The following UXS1 variants were observed in gnomAD, a reference collection of about 807,000 sequenced individuals.
The protein encoded by UXS1 is UDP-glucuronate decarboxylase 1.
Under a neutral mutation model 62.6 loss-of-function variants are expected in UXS1, and 33 were observed. The ratio of observed to expected loss-of-function variants is 0.53; its 90% CI spans 0.40 to 0.70. The LOEUF is 0.70. Among genes scored for constraint, UXS1 ranks in the 30% least tolerant of loss-of-function variants. The probability of loss-of-function intolerance (pLI) is 0.00; values close to 1 mark genes in which losing one functional copy is unlikely to be tolerated. For synonymous variants in UXS1, 213 were observed against 206.8 expected (o/e 1.03, Z -0.26); for missense variants, 434 against 556.3 (o/e 0.78, Z 2.21).
chr2:106,174,795 A>AAAG (rs1683775187), intron 1 of UXS1, among the ~76,000 whole-genome samples: 1 of 150,846 alleles, frequency 6.6e-6, no homozygotes, highest in Non-Finnish European at 1.5e-5. Flanking sequence ...CCACCATCCC[A>AAAG]CAGCGGAAGA....
chr2:106,110,955 C>T (rs1333155483), intron 10 of UXS1, among the ~76,000 whole-genome samples: 1 of 152,176 alleles, frequency 6.6e-6, no homozygotes, highest in Non-Finnish European at 1.5e-5. Flanking sequence ...GGAAGAAAAG[C>T]AAGACGCTGC....
chr2:106,103,700 C>G (rs1229612799), intron 11 of UXS1, among the ~76,000 whole-genome samples: 1 of 152,126 alleles, frequency 6.6e-6, no homozygotes, highest in Non-Finnish European at 1.5e-5. Context: ...GGCTTTTGCC[C>G]CTTGAGGCAA....
chr2:106,108,632 T>C (rs1206077177), intron 10 of UXS1, among the ~76,000 whole-genome samples: 1 of 152,090 alleles, frequency 6.6e-6, no homozygotes, highest in Non-Finnish European at 1.5e-5. Flanking sequence ...AGGAGATTCG[T>C]GCAAGAGTCA....
chr2:106,126,802 G>C (rs906453866), intron 7 of UXS1, among the ~76,000 whole-genome samples: 1 of 152,106 alleles, frequency 6.6e-6, no homozygotes. Context: ...ACATTGATAT[G>C]ATCAGTGACT....
chr2:106,176,340 T>C (rs933561013), intron 1 of UXS1, among the ~76,000 whole-genome samples: 24 of 152,242 alleles, frequency 1.6e-4, no homozygotes, highest in Admixed American at 1.3e-3. Flanking sequence ...ACTGAAATGT[T>C]TGCTTAAAGC....
chr2:106,193,712 G>A (rs911967596), intron 1 of UXS1, among the ~76,000 whole-genome samples: 6 of 152,204 alleles, frequency 3.9e-5, no homozygotes, highest in Non-Finnish European at 4.4e-5. Context: ...TCTGCCAATG[G>A]CCACAGTATT....
chr2:106,123,729 C>T (rs985058183), intron 8 of UXS1, among the ~76,000 whole-genome samples: 2 of 152,114 alleles, frequency 1.3e-5, no homozygotes, highest in Non-Finnish European at 2.9e-5. Flanking sequence ...GAAGAAAACA[C>T]GTAACAAATT....
intron 1 of UXS1, among the ~76,000 whole-genome samples, chr2:106,180,566 T>A (rs1684180303): frequency 1.3e-5 from 2 of 152,162 alleles, no homozygotes; most frequent in South Asian, 4.1e-4. Context: ...CCTGAGAAAA[T>A]CAAGTACTTT....
chr2:106,129,614 C>T, intron 7 of UXS1, 60 bp downstream of exon 7: 5 of 1,347,588 alleles, frequency 3.7e-6, no homozygotes, highest in Non-Finnish European at 5.2e-6. Context: ...ATGACCTATG[C>T]TTGTAATCAT....
At chr2:106,117,548 T>G (rs1190335584) in intron 9 of UXS1, among the ~76,000 whole-genome samples, 1 of 152,194 alleles carries the variant, frequency 6.6e-6, no homozygotes, top group Admixed American at 6.5e-5. Context: ...GTGATCACTA[T>G]ATTCGCTGAC....
rs959995315 is a variant in UXS1, at chr2:106,158,446, A to G, written c.231-328T>C. Among the ~76,000 whole-genome samples, 4 of 152,358 alleles carry G rather than the reference A, an allele frequency of 2.6e-5. No individual in the cohort carries two copies. In the East Asian group the frequency reaches 7.7e-4, roughly 29 times the overall value. ...TTAGTCCAGATAAAACCACACCATGAGGGAGATGGCCGTGAAACTGCCTTT... is the reference window on the plus strand; with the variant it reads ...TTAGTCCAGATAAAACCACACCATGGGGGAGATGGCCGTGAAACTGCCTTT... On this transcript the variant is annotated intron_variant, in intron 4 of 14. Transcript: ENST00000283148.
At chr2:106,186,613 C>T (rs1684573206) in intron 1 of UXS1, among the ~76,000 whole-genome samples, 1 of 151,934 alleles carries the variant, frequency 6.6e-6, no homozygotes. Flanking sequence ...CCAAATGCAA[C>T]ATGTAAATCT....
At position 106,093,850 on chromosome 2, in the gene UXS1, T is replaced by A; in HGVS notation, c.*176A>T. Reference sequence around the variant, plus strand: ...AAAAAGTGCAAGGCAAAATCTGCAGTTTTTTGAGGGGAGCTTTTAGGCACA... The same window carrying A: ...AAAAAGTGCAAGGCAAAATCTGCAGATTTTTGAGGGGAGCTTTTAGGCACA... On this transcript the variant is annotated 3_prime_UTR_variant, in exon 15 of 15. Coordinates refer to ENST00000283148, the MANE Select transcript of UXS1 (RefSeq NM_001253875.2). 1.2e-6 allele frequency: 1 copy of A among 866,772 alleles called. No individual in the cohort carries two copies. The allele number at this position is 866,772 out of a possible 1,614,324, so 53.7% of individuals were successfully genotyped here.
chr2:106,097,214 CCCTGAGGTGGATGCCCCAAGTGGGCCATA>C (rs1558669257), intron 13 of UXS1: 3 of 459,446 alleles, frequency 6.5e-6, no homozygotes, highest in Middle Eastern at 3.2e-4. Context: ...GTGGGGCCAT[CCCTGAGGTGGATGCCCCAAGTGGGCCATA>C]CCTGGGTGCT....
At chr2:106,110,908 G>A (rs41320344) in intron 10 of UXS1, among the ~76,000 whole-genome samples, 1 of 152,194 alleles carries the variant, frequency 6.6e-6, no homozygotes, top group African/African-American at 2.4e-5. Context: ...CATCAAGAAG[G>A]TTCCCTTAAG....
At chr2:106,162,813 ACT>A (rs1331409085) in intron 4 of UXS1, among the ~76,000 whole-genome samples, 4 of 152,134 alleles carry the variant, frequency 2.6e-5, no homozygotes, top group African/African-American at 7.2e-5. Context: ...TTGTTTAATG[ACT>A]CTTCTCCAGT....
At chr2:106,148,499 A>G (rs967319856) in intron 5 of UXS1, among the ~76,000 whole-genome samples, 1 of 152,224 alleles carries the variant, frequency 6.6e-6, no homozygotes, top group Non-Finnish European at 1.5e-5. Context: ...CAGTTCTGAG[A>G]TATCAGAGAT....
intron 14 of UXS1, among the ~76,000 whole-genome samples, chr2:106,096,227 TATGTGTGA>T (rs1677079389): frequency 6.6e-6 from 1 of 152,062 alleles, no homozygotes; most frequent in Non-Finnish European, 1.5e-5. Context: ...AGAGGGAGTG[TATGTGTGA>T]ATGTGAGTGT....
chr2:106,100,204 C>T (rs1287319322), intron 12 of UXS1, among the ~76,000 whole-genome samples: 1 of 151,926 alleles, frequency 6.6e-6, no homozygotes, highest in Non-Finnish European at 1.5e-5. Context: ...ATCTTGAATG[C>T]TGGACAGTCC....
Sources: gnomAD v4.1 joint callset for allele counts (sites outside exome capture counted in the v4.1 genomes callset) on GRCh38, gnomAD v4.1.1 for gene constraint, MANE v1.5 for transcripts, NCBI Gene and HGNC (gene_info 2026-07-23, HGNC 2026-07-21) for gene names.